The following KIAA1671 variants were observed in gnomAD, a reference collection of about 807,000 sequenced individuals.
KIAA1671 encodes KIAA1671.
KIAA1671 carries 52 observed loss-of-function variants against 131.2 expected under a neutral mutation model. The observed-to-expected ratio is 0.40, with a 90% CI of 0.32 to 0.50. The LOEUF (loss-of-function observed/expected upper bound fraction) is 0.50, where lower values mean the gene tolerates loss of function less well. Ranked by LOEUF, KIAA1671 falls within the 20% of genes least tolerant of loss-of-function variation. KIAA1671 has a pLI of 0.73. For missense variants in KIAA1671, 2,360 were observed against 2,364.2 expected, an observed-to-expected ratio of 1.00 and a Z score of 0.04; for synonymous variants, 1,003 against 961.6, an observed-to-expected ratio of 1.04 and a Z score of -0.80.
At chr22:24,974,077 C>T (rs1465346338) in intron 1 of KIAA1671, among the ~76,000 whole-genome samples, 2 of 152,104 alleles carry the variant, frequency 1.3e-5, no homozygotes, top group Admixed American at 1.3e-4. Context: ...AGGCCCTCAG[C>T]AAATGATTGG....
chr22:25,179,102 C>T (rs1158130524), intron 9 of KIAA1671, among the ~76,000 whole-genome samples: 2 of 152,220 alleles, frequency 1.3e-5, no homozygotes, highest in Non-Finnish European at 2.9e-5. Flanking sequence ...GACCGCGTCT[C>T]ACGCCCGGCG....
chr22:25,093,723 A>T (rs56026899), intron 6 of KIAA1671, among the ~76,000 whole-genome samples: 1,436 of 77,682 alleles, frequency 0.018, 151 homozygotes, highest in African/African-American at 0.047. Flanking sequence ...ACACACACAC[A>T]CACACACACA....
At chr22:25,168,360 T>C (rs1203056281) in intron 6 of KIAA1671, among the ~76,000 whole-genome samples, 4 of 152,250 alleles carry the variant, frequency 2.6e-5, no homozygotes, top group Non-Finnish European at 5.9e-5. Flanking sequence ...TGTTGTGTAA[T>C]ATAAATTATG....
chr22:25,189,701 G>A (rs185295098), intron 11 of KIAA1671, among the ~76,000 whole-genome samples: 15 of 152,354 alleles, frequency 9.8e-5, no homozygotes, highest in Admixed American at 9.8e-4. Context: ...TGGATAGAGA[G>A]ATGGAAGGAT....
intron 5 of KIAA1671, among the ~76,000 whole-genome samples, chr22:25,043,571 A>C: frequency 6.6e-6 from 1 of 152,210 alleles, no homozygotes; most frequent in Non-Finnish European, 1.5e-5. Flanking sequence ...CACCCTTTGA[A>C]GCTTCTGATC....
At chr22:25,148,064 T>TC (rs1341182429) in intron 6 of KIAA1671, among the ~76,000 whole-genome samples, 1 of 147,682 alleles carries the variant, frequency 6.8e-6, no homozygotes, top group Non-Finnish European at 1.5e-5. Flanking sequence ...TCTTTTTTTT[T>TC]CTCCTCTCTT....
At chr22:25,108,583 TG>T (rs1485608601) in intron 6 of KIAA1671, among the ~76,000 whole-genome samples, 1 of 152,206 alleles carries the variant, frequency 6.6e-6, no homozygotes, top group Admixed American at 6.5e-5. Context: ...CAGGCACTCA[TG>T]GAAGTGCGAC....
At chr22:25,171,062 A>C in intron 7 of KIAA1671, 124 bp downstream of exon 7, 1 of 747,162 alleles carries the variant, frequency 1.3e-6, no homozygotes, top group Non-Finnish European at 2.2e-6. Context: ...AAAGGAACCC[A>C]TTCTTCTTTT....
At chr22:25,110,497 G>A (rs1931273234) in intron 6 of KIAA1671, among the ~76,000 whole-genome samples, 3 of 152,212 alleles carry the variant, frequency 2.0e-5, no homozygotes, top group African/African-American at 7.2e-5. Flanking sequence ...CCTTGGGCAA[G>A]TGAATCTATG....
chr22:25,009,137 A>G (rs1924894816), intron 1 of KIAA1671, among the ~76,000 whole-genome samples: 1 of 151,624 alleles, frequency 6.6e-6, no homozygotes, highest in Non-Finnish European at 1.5e-5. Flanking sequence ...TGGACCCGAG[A>G]CTTCACAATA....
intron 6 of KIAA1671, among the ~76,000 whole-genome samples, chr22:25,093,727 ACACACACACACTCTCTCT>A (rs1930151535): frequency 4.9e-5 from 3 of 61,280 alleles, no homozygotes; most frequent in African/African-American, 4.3e-4. Flanking sequence ...ACACACACAC[ACACACACACACTCTCTCT>A]CTCTCTCTCT....
intron 1 of KIAA1671, among the ~76,000 whole-genome samples, chr22:24,972,185 AC>A (rs1922653458): frequency 6.6e-6 from 1 of 152,222 alleles, no homozygotes; most frequent in African/African-American, 2.4e-5. Context: ...CAGATATATT[AC>A]AGTGGTTAAC....
chr22:24,973,772 G>A (rs751829733), intron 1 of KIAA1671, among the ~76,000 whole-genome samples: 17 of 152,144 alleles, frequency 1.1e-4, no homozygotes, highest in Non-Finnish European at 2.2e-4. Flanking sequence ...CTCCAGGAGG[G>A]CAGGGACTTT....
intron 1 of KIAA1671, among the ~76,000 whole-genome samples, chr22:24,992,392 T>C (rs1010734872): frequency 6.6e-6 from 1 of 152,214 alleles, no homozygotes; most frequent in African/African-American, 2.4e-5. Flanking sequence ...TTGCCATTCC[T>C]GACTTCTGTA....
chr22:25,088,111 CTT>C (rs796690642), intron 6 of KIAA1671, among the ~76,000 whole-genome samples: 23 of 110,460 alleles, frequency 2.1e-4, no homozygotes, highest in Admixed American at 1.7e-4. Context: ...TTCTTTCTTT[CTT>C]TTTTTTTTTT....
At chr22:25,113,486 A>G (rs138839079) in intron 6 of KIAA1671, among the ~76,000 whole-genome samples, 5 of 152,198 alleles carry the variant, frequency 3.3e-5, no homozygotes, top group Middle Eastern at 3.4e-3. Flanking sequence ...CAGGAGTGCT[A>G]TAGTCATTAA....
intron 1 of KIAA1671, among the ~76,000 whole-genome samples, chr22:25,018,401 G>A (rs1464298580): frequency 1.3e-5 from 2 of 151,538 alleles, no homozygotes; most frequent in Non-Finnish European, 2.9e-5. Context: ...TTTAATTGCA[G>A]TAAAATGTCC....
At chr22:25,137,510 G>C (rs1932730704) in intron 6 of KIAA1671, among the ~76,000 whole-genome samples, 1 of 152,166 alleles carries the variant, frequency 6.6e-6, no homozygotes, top group Non-Finnish European at 1.5e-5. Context: ...GCCAATAATT[G>C]ATGTTAAAAA....
chr22:25,029,326 C>T lies in KIAA1671; in HGVS notation c.1327C>T (p.Leu443=). 2 of 1,545,480 alleles carry T rather than the reference C, an allele frequency of 1.3e-6. No homozygotes were observed. Among genetic ancestry groups the T allele is most frequent in the Non-Finnish European group, 8.7e-7 (1 of 1,143,476 alleles). ...SRRSVRKCIS[L]FREDSTLALA... is the part of the protein sequence containing the mutation. The stretch of plus-strand genomic sequence containing the variant: ...GAGGAGTGTCAGGAAGTGCATCAGC[C>T]TGTTTCGGGAGGACAGCACCTTGGC... The change falls in exon 3 of 13, where the codon CTG becomes TTG. Residue 443 remains leucine, a synonymous_variant. Coordinates refer to ENST00000358431, the MANE Select transcript of KIAA1671 (RefSeq NM_001145206.2).
Sources: gnomAD v4.1 joint callset for allele counts (sites outside exome capture counted in the v4.1 genomes callset) on GRCh38, gnomAD v4.1.1 for gene constraint, MANE v1.5 for transcripts, NCBI Gene and HGNC (gene_info 2026-07-23, HGNC 2026-07-21) for gene names.